The following GPC6 variants were observed in gnomAD, a reference collection of about 807,000 sequenced individuals.
GPC6 encodes the protein glypican-6.
Under a neutral mutation model 55.2 loss-of-function variants are expected in GPC6, and 14 were observed. The observed-to-expected ratio is 0.25, with a 90% CI of 0.17 to 0.40. GPC6 has a LOEUF of 0.40. Ranked by LOEUF, GPC6 falls within the 10% of genes least tolerant of loss-of-function variation. The pLI is 1.00. For missense variants in GPC6, 641 were observed against 708.5 expected, an observed-to-expected ratio of 0.90 and a Z score of 1.08; for synonymous variants, 278 against 259.6, an observed-to-expected ratio of 1.07 and a Z score of -0.68.
chr13:93,329,083 C>T (rs1052804303), intron 1 of GPC6, among the ~76,000 whole-genome samples: 2 of 152,144 alleles, frequency 1.3e-5, no homozygotes, highest in African/African-American at 2.4e-5. Context: ...AAAATTTCCT[C>T]TCTTGGTAAC....
chr13:94,353,022 T>A (rs1008412617), intron 6 of GPC6, among the ~76,000 whole-genome samples: 59 of 152,182 alleles, frequency 3.9e-4, no homozygotes, highest in African/African-American at 1.3e-3. Context: ...CATGCAGAGG[T>A]GGTCTCTGCA....
intron 6 of GPC6, among the ~76,000 whole-genome samples, chr13:94,326,584 T>C (rs200620981): frequency 6.6e-6 from 1 of 152,320 alleles, no homozygotes; most frequent in East Asian, 1.9e-4. Context: ...TGCCCCCACG[T>C]AAATACAGCC....
At chr13:93,852,172 T>C (rs574687407) in intron 3 of GPC6, among the ~76,000 whole-genome samples, 1 of 151,928 alleles carries the variant, frequency 6.6e-6, no homozygotes, top group South Asian at 2.1e-4. Flanking sequence ...GCTCTCTTTA[T>C]ATCTACTCTA....
chr13:94,284,248 G>A (rs532196289), intron 4 of GPC6, among the ~76,000 whole-genome samples: 11 of 152,298 alleles, frequency 7.2e-5, no homozygotes, highest in South Asian at 4.1e-4. Context: ...TCCCAGGGCC[G>A]ACAGTTCTGA....
chr13:93,645,573 C>T (rs936421081), intron 2 of GPC6, among the ~76,000 whole-genome samples: 5 of 152,102 alleles, frequency 3.3e-5, no homozygotes, highest in African/African-American at 1.2e-4. Flanking sequence ...AAAAACTGTT[C>T]CTCGTACGTT....
intron 3 of GPC6, among the ~76,000 whole-genome samples, chr13:93,911,960 G>T (rs1483970483): frequency 6.6e-6 from 1 of 152,272 alleles, no homozygotes; most frequent in African/African-American, 2.4e-5. Flanking sequence ...AGTGCAGAGA[G>T]CAATTGAGGG....
chr13:93,471,850 T>C (rs950520337), intron 1 of GPC6, among the ~76,000 whole-genome samples: 1 of 152,190 alleles, frequency 6.6e-6, no homozygotes, highest in Non-Finnish European at 1.5e-5. Flanking sequence ...TATATTCTGC[T>C]GTTGTTGGGC....
At chr13:94,212,961 G>GCCTGGCCAACATGGTGAAAC (rs1430944758) in intron 4 of GPC6, among the ~76,000 whole-genome samples, 1 of 152,180 alleles carries the variant, frequency 6.6e-6, no homozygotes, top group Non-Finnish European at 1.5e-5. Context: ...TTTGAGACCA[G>GCCTGGCCAACATGGTGAAAC]CCTGGCCAAC....
intron 2 of GPC6, among the ~76,000 whole-genome samples, chr13:93,567,847 C>A (rs1475524951): frequency 6.6e-6 from 1 of 152,058 alleles, no homozygotes; most frequent in Non-Finnish European, 1.5e-5. Flanking sequence ...CCTAGTTATT[C>A]TATAGAAATT....
intron 1 of GPC6, among the ~76,000 whole-genome samples, chr13:93,432,903 G>GGGAGAGA (rs1408062382): frequency 8.9e-4 from 135 of 151,450 alleles, no homozygotes; most frequent in African/African-American, 3.2e-3. Context: ...GAGAGTGAGA[G>GGGAGAGA]GGAGAGAGGG....
At chr13:93,853,800 A>T (rs1450964890) in intron 3 of GPC6, among the ~76,000 whole-genome samples, 3 of 151,664 alleles carry the variant, frequency 2.0e-5, no homozygotes, top group African/African-American at 7.3e-5. Flanking sequence ...CATTTTTATA[A>T]TTTTATTTTT....
At chr13:93,262,222 G>C (rs1171214390) in intron 1 of GPC6, among the ~76,000 whole-genome samples, 1 of 152,070 alleles carries the variant, frequency 6.6e-6, no homozygotes, top group Non-Finnish European at 1.5e-5. Context: ...AGATGTCAGG[G>C]GGTTGTAGTG....
rs559015831 is a variant in GPC6, at chr13:93,476,855, A to G, written c.161-68408A>G. On this transcript the variant is annotated intron_variant, in intron 1 of 8. Coordinates refer to ENST00000377047, the MANE Select transcript of GPC6 (RefSeq NM_005708.5). Reference sequence around the variant, plus strand: ...TAAAATATGCTATGTACAAATATTAATATGTGACTATGAAACATGATTATT... The same window carrying G: ...TAAAATATGCTATGTACAAATATTAGTATGTGACTATGAAACATGATTATT... 2.2e-4 allele frequency among the ~76,000 whole-genome samples: 34 copies of G among 152,314 alleles called. 1 individual carries two copies. The South Asian group carries it at 6.8e-3, about 31-fold the overall frequency.
intron 1 of GPC6, among the ~76,000 whole-genome samples, chr13:93,358,985 T>TG (rs1880951427): frequency 8.0e-6 from 1 of 125,142 alleles, no homozygotes; most frequent in Non-Finnish European, 1.6e-5. Context: ...CTTTTTTTTT[T>TG]TTTGTTTTTT....
intron 4 of GPC6, among the ~76,000 whole-genome samples, chr13:94,273,635 A>G (rs941521927): frequency 1.3e-5 from 2 of 152,182 alleles, no homozygotes; most frequent in East Asian, 1.9e-4. Context: ...TATTTGTGCA[A>G]TTTAGGCACT....
At chr13:93,272,553 TG>T (rs1203773702) in intron 1 of GPC6, among the ~76,000 whole-genome samples, 1 of 149,850 alleles carries the variant, frequency 6.7e-6, no homozygotes, top group African/African-American at 2.4e-5. Context: ...ATGATTAGAA[TG>T]GAGTCATAGT....
intron 5 of GPC6, among the ~76,000 whole-genome samples, chr13:94,304,804 A>G (rs369265179): frequency 9.8e-4 from 150 of 152,360 alleles, no homozygotes; most frequent in African/African-American, 3.4e-3. Flanking sequence ...TTGATTTCCC[A>G]TAGCAATCTT....
At chr13:93,465,022 G>A (rs1251693763) in intron 1 of GPC6, among the ~76,000 whole-genome samples, 14 of 152,284 alleles carry the variant, frequency 9.2e-5, no homozygotes, top group Admixed American at 7.9e-4. Context: ...GTAATATTTT[G>A]AAAAGAATCT....
At chr13:94,400,434 C>T (rs1427981372) in intron 8 of GPC6, among the ~76,000 whole-genome samples, 1 of 152,100 alleles carries the variant, frequency 6.6e-6, no homozygotes, top group South Asian at 2.1e-4. Flanking sequence ...GTTCATGACA[C>T]CAGTGTTCAG....
Sources: allele counts gnomAD v4.1 joint callset (sites outside exome capture counted in the v4.1 genomes callset), GRCh38; gene constraint gnomAD v4.1.1; transcripts MANE v1.5; gene names NCBI Gene and HGNC (gene_info 2026-07-23, HGNC 2026-07-21).